MEF2C: variants seen among roughly 807,000 people sequenced by gnomAD.
MEF2C encodes myocyte-specific enhancer factor 2C.
MEF2C carries 6 observed loss-of-function variants against 50.5 expected under a neutral mutation model. That is an observed-to-expected ratio of 0.12 (90% CI 0.07 to 0.23). The LOEUF (loss-of-function observed/expected upper bound fraction) is 0.23, where lower values mean the gene tolerates loss of function less well. Among genes scored for constraint, MEF2C ranks in the 10% least tolerant of loss-of-function variants. MEF2C has a pLI of 1.00. For synonymous variants in MEF2C, 183 were observed against 228.0 expected (o/e 0.80, Z 1.78); for missense variants, 276 against 605.0 (o/e 0.46, Z 5.70).
In MEF2C at chr5:88,769,648, AGTT is replaced by A. The variant is rs201294184; in HGVS notation, c.259-8323_259-8321del. Among the ~76,000 whole-genome samples, 60 of 152,230 alleles carry A rather than the reference AGTT, an allele frequency of 3.9e-4. No homozygotes were observed. In the Middle Eastern group the frequency reaches 0.01, roughly 26 times the overall value. On this transcript the variant is annotated intron_variant, in intron 3 of 10. Transcript: ENST00000504921. Reference sequence around the variant, plus strand: ...CCTATATATCTATATCTATAGCTATAGTTGTTGTTGTTGTTAGACAGAGTCTTG... The same window carrying A: ...CCTATATATCTATATCTATAGCTATAGTTGTTGTTGTTAGACAGAGTCTTG...
At chr5:88,882,457 C>T (rs1833215183) in intron 1 of MEF2C, among the ~76,000 whole-genome samples, 1 of 152,160 alleles carries the variant, frequency 6.6e-6, no homozygotes, top group Non-Finnish European at 1.5e-5. Flanking sequence ...TGACAGACAG[C>T]CATGCTTTAG....
intron 2 of MEF2C, 56 bp from the exon 3 acceptor site, chr5:88,804,857 TTTTTC>T (rs1486807732): frequency 3.5e-6 from 5 of 1,443,510 alleles, no homozygotes; most frequent in African/African-American, 1.4e-5. Flanking sequence ...ATGTGTGGTT[TTTTTC>T]TTTTCTTTTT....
intron 3 of MEF2C, among the ~76,000 whole-genome samples, chr5:88,795,965 C>T (rs939910241): frequency 1.3e-5 from 2 of 152,220 alleles, no homozygotes; most frequent in South Asian, 2.1e-4. Context: ...CATGTTGATC[C>T]AGCCTTGCAT....
Position 88,722,458 on chromosome 5 carries a change from A to T in MEF2C, c.*146T>A. On this transcript the variant is annotated 3_prime_UTR_variant, in exon 11 of 11. Transcript: ENST00000504921. ...TTATACTGTATCACTGAGGCAATTT[A>T]AAAGTACTTTTACAAAACAGAGTAC... 1 of 680,478 alleles carries T rather than the reference A, an allele frequency of 1.5e-6. No individual in the cohort carries two copies. Among genetic ancestry groups the T allele is most frequent in the Non-Finnish European group, 2.5e-6 (1 of 402,934 alleles). 42.2% of individuals were successfully genotyped at this position (680,478 alleles called of 1,614,324 possible).
intron 6 of MEF2C, chr5:88,740,204 C>T (rs1326846242): frequency 8.1e-6 from 8 of 981,918 alleles, no homozygotes; most frequent in Non-Finnish European, 9.6e-6. Flanking sequence ...CTTGACGTTT[C>T]TTGGGCTGTG....
At chr5:88,889,705 G>A (rs1366438931) in intron 1 of MEF2C, among the ~76,000 whole-genome samples, 1 of 152,168 alleles carries the variant, frequency 6.6e-6, no homozygotes, top group Non-Finnish European at 1.5e-5. Flanking sequence ...GTGCGTGATG[G>A]GCTCTGGGGA....
chr5:88,768,794 A>C, intron 3 of MEF2C: 28 of 594,406 alleles, frequency 4.7e-5, no homozygotes, highest in Non-Finnish European at 5.5e-5. Context: ...GTTAAAACTC[A>C]ATGTTTTTAT....
chr5:88,798,793 C>A (rs1040142616), intron 3 of MEF2C, among the ~76,000 whole-genome samples: 1 of 152,164 alleles, frequency 6.6e-6, no homozygotes, highest in Non-Finnish European at 1.5e-5. Context: ...TACCTTTGGT[C>A]TTTGATGCTG....
chr5:88,776,160 TTTG>T (rs1423547790), intron 3 of MEF2C, among the ~76,000 whole-genome samples: 1 of 152,128 alleles, frequency 6.6e-6, no homozygotes, highest in Admixed American at 6.6e-5. Flanking sequence ...CATTAATCAA[TTTG>T]TTAACTGTTA....
intron 1 of MEF2C, among the ~76,000 whole-genome samples, chr5:88,834,530 C>G (rs1449641635): frequency 6.6e-6 from 1 of 152,104 alleles, no homozygotes; most frequent in Non-Finnish European, 1.5e-5. Flanking sequence ...GGGCAACACA[C>G]AAGTGCACCA....
Position 88,729,228 on chromosome 5 carries a change from T to C in MEF2C, c.954A>G (p.Thr318=), listed in dbSNP as rs769897104. The C allele has an allele frequency of 2.5e-6, 4 of 1,613,060 alleles. No individual in the cohort carries two copies. The highest frequency in any genetic ancestry group is 1.3e-5 in the African/African-American group (1 of 74,874). Residue 318 remains threonine (T), a synonymous_variant, in exon 9 of 11, where the codon ACA becomes ACG. Transcript: ENST00000504921. ...GACAAAGCTACTCACCGGTACCATA[T>C]GTTGTTGAAATGGCTGATGGATATC... The part of the protein sequence containing the change: ...MGGYPSAIST[T]YGTEYSLSSA...
At chr5:88,889,109 CTTTG>C (rs1834264045) in intron 1 of MEF2C, 1 of 152,180 alleles carries the variant, frequency 6.6e-6, no homozygotes, top group Non-Finnish European at 1.5e-5. Flanking sequence ...GTGCCCACTT[CTTTG>C]TTTGGAAAGC....
At chr5:88,850,378 T>C (rs1187796294) in intron 1 of MEF2C, among the ~76,000 whole-genome samples, 1 of 152,222 alleles carries the variant, frequency 6.6e-6, no homozygotes, top group Non-Finnish European at 1.5e-5. Flanking sequence ...GGACTTCTTT[T>C]GCCCATGGTA....
At chr5:88,773,969 G>A (rs901154206) in intron 3 of MEF2C, among the ~76,000 whole-genome samples, 2 of 152,238 alleles carry the variant, frequency 1.3e-5, no homozygotes, top group African/African-American at 4.8e-5. Flanking sequence ...ATAATGGGTA[G>A]ATGGTTGCTG....
intron 10 of MEF2C, among the ~76,000 whole-genome samples, chr5:88,724,793 C>T (rs536118423): frequency 2.0e-5 from 3 of 152,148 alleles, no homozygotes; most frequent in East Asian, 1.9e-4. Flanking sequence ...TTGAGGAAAT[C>T]GTCTTTTGAT....
chr5:88,860,271 C>A (rs890821351), intron 1 of MEF2C, among the ~76,000 whole-genome samples: 2 of 151,922 alleles, frequency 1.3e-5, no homozygotes. Flanking sequence ...AGGGGGCAAT[C>A]CTGCTACTTC....
intron 2 of MEF2C, among the ~76,000 whole-genome samples, chr5:88,818,091 T>C (rs1453329339): frequency 6.6e-6 from 1 of 151,964 alleles, no homozygotes; most frequent in Admixed American, 6.6e-5. Flanking sequence ...AGAAGGAGGA[T>C]ATTGGAGGTT....
intron 6 of MEF2C, chr5:88,738,425 T>C (rs1765044023): frequency 1.0e-6 from 1 of 954,976 alleles, no homozygotes; most frequent in Non-Finnish European, 1.2e-6. Flanking sequence ...ACTTTTAATC[T>C]TCACAAGAAC....
At chr5:88,863,197 G>A (rs568868222) in intron 1 of MEF2C, among the ~76,000 whole-genome samples, 1 of 152,308 alleles carries the variant, frequency 6.6e-6, no homozygotes, top group South Asian at 2.1e-4. Flanking sequence ...TTTTCAACAT[G>A]CCTGCAGTAT....
Sources: allele counts gnomAD v4.1 joint callset (sites outside exome capture counted in the v4.1 genomes callset), GRCh38; gene constraint gnomAD v4.1.1; transcripts MANE v1.5; gene names NCBI Gene and HGNC (gene_info 2026-07-23, HGNC 2026-07-21).